ADGRL2: variants seen among roughly 807,000 people sequenced by gnomAD.
ADGRL2 encodes the protein calcium-independent alpha-latrotoxin receptor 2.
Under a neutral mutation model 157.4 loss-of-function variants are expected in ADGRL2, and 44 were observed. The observed-to-expected ratio is 0.28, with a 90% CI of 0.22 to 0.36. The LOEUF is 0.36. Among genes scored for constraint, ADGRL2 ranks in the 10% least tolerant of loss-of-function variants. ADGRL2 has a pLI of 1.00. For missense variants in ADGRL2, 1,510 were observed against 1,768.9 expected, an observed-to-expected ratio of 0.85 and a Z score of 2.63; for synonymous variants, 585 against 624.7, an observed-to-expected ratio of 0.94 and a Z score of 0.95.
chr1:81,766,847 G>GAAAAAAAAAAAAAAAGAA (rs2086147737), intron 2 of ADGRL2, among the ~76,000 whole-genome samples: 1 of 117,820 alleles, frequency 8.5e-6, no homozygotes, highest in Non-Finnish European at 1.8e-5. Flanking sequence ...AAAAAAAAAG[G>GAAAAAAAAAAAAAAAGAA]AAAAAAAAAA....
rs1661712790 is a variant in ADGRL2 at position 81,981,688 on chromosome 1, G to C, written c.3114-120G>C. On this transcript the variant is annotated intron_variant, in intron 18 of 23. Transcript: ENST00000686636. ...AGAGAAAGGTTAAAACCAAAATGCT[G>C]TTGAATATGAATGTGAACATAGAGA... 3 of 801,948 alleles carry C rather than the reference G, an allele frequency of 3.7e-6. No homozygotes were observed. In the Admixed American group the frequency reaches 7.1e-5, roughly 19 times the overall value. The allele number at this position is 801,948 out of a possible 1,614,324, so 49.7% of individuals were successfully genotyped here. A position where few individuals can be genotyped will look rare whatever the true frequency, so the allele number is the denominator to read the frequency against.
chr1:81,670,746 C>T (rs905193079), intron 3 of ADGRL2, among the ~76,000 whole-genome samples: 2 of 152,226 alleles, frequency 1.3e-5, no homozygotes, highest in Non-Finnish European at 2.9e-5. Flanking sequence ...GACAGGGTCT[C>T]GCTCTGTTGC....
At chr1:81,609,658 T>A (rs1190710291) in intron 3 of ADGRL2, among the ~76,000 whole-genome samples, 3 of 152,198 alleles carry the variant, frequency 2.0e-5, no homozygotes, top group Admixed American at 1.3e-4. Flanking sequence ...CTTGCATGAA[T>A]GGTTCACTCA....
At chr1:81,752,984 T>C (rs1198778422) in intron 1 of ADGRL2, among the ~76,000 whole-genome samples, 1 of 152,198 alleles carries the variant, frequency 6.6e-6, no homozygotes, top group Non-Finnish European at 1.5e-5. Flanking sequence ...AAATAATAGA[T>C]TACATTGTTT....
chr1:81,588,952 G>T (rs984090095), intron 3 of ADGRL2, among the ~76,000 whole-genome samples: 16 of 152,114 alleles, frequency 1.1e-4, no homozygotes, highest in African/African-American at 3.6e-4. Context: ...GTGGGACTTA[G>T]GACCTCTAGA....
intron 2 of ADGRL2, among the ~76,000 whole-genome samples, chr1:81,466,094 G>A (rs1450223383): frequency 6.6e-6 from 1 of 152,198 alleles, no homozygotes; most frequent in African/African-American, 2.4e-5. Flanking sequence ...TAATCTGCAA[G>A]AAGCCAGAAG....
chr1:81,920,629 C>T (rs191809296), intron 3 of ADGRL2, among the ~76,000 whole-genome samples: 27 of 152,216 alleles, frequency 1.8e-4, no homozygotes, highest in African/African-American at 6.3e-4. Context: ...AACTCCAGAG[C>T]TCCCGCCCTG....
At chr1:81,656,027 A>T (rs1242861121) in intron 3 of ADGRL2, among the ~76,000 whole-genome samples, 2 of 152,172 alleles carry the variant, frequency 1.3e-5, no homozygotes, top group East Asian at 3.8e-4. Context: ...CTTCAAACAG[A>T]GTATACCCTT....
intron 2 of ADGRL2, among the ~76,000 whole-genome samples, chr1:81,533,251 C>T (rs536118460): frequency 7.3e-5 from 11 of 151,654 alleles, no homozygotes; most frequent in South Asian, 2.1e-4. Context: ...TGGTGATGCA[C>T]GCCTGTAATC....
chr1:81,376,969 T>A (rs765584869), intron 1 of ADGRL2, among the ~76,000 whole-genome samples: 2 of 152,152 alleles, frequency 1.3e-5, no homozygotes, highest in Non-Finnish European at 2.9e-5. Context: ...GGAGGATCAC[T>A]TGAGTCCAGG....
chr1:81,471,413 G>A (rs2078169531), intron 2 of ADGRL2, among the ~76,000 whole-genome samples: 1 of 152,080 alleles, frequency 6.6e-6, no homozygotes, highest in Admixed American at 6.6e-5. Flanking sequence ...TTTCAATATA[G>A]TATATCTGTT....
intron 2 of ADGRL2, among the ~76,000 whole-genome samples, chr1:81,507,455 A>C (rs1442483336): frequency 6.6e-6 from 1 of 152,124 alleles, no homozygotes; most frequent in Non-Finnish European, 1.5e-5. Context: ...TTATTTACAA[A>C]TTGTTTGCTC....
intron 1 of ADGRL2, among the ~76,000 whole-genome samples, chr1:81,398,710 T>A (rs561769666): frequency 1.3e-5 from 2 of 152,334 alleles, no homozygotes; most frequent in African/African-American, 4.8e-5. Flanking sequence ...CTTTCAACAC[T>A]TTGAATATAT....
chr1:81,549,377 A>C (rs754447793), intron 2 of ADGRL2, among the ~76,000 whole-genome samples: 2 of 152,262 alleles, frequency 1.3e-5, no homozygotes, highest in East Asian at 3.9e-4. Flanking sequence ...TGCAACCACA[A>C]AATAGTTTTG....
chr1:81,571,482 A>G (rs2080692014), intron 2 of ADGRL2, among the ~76,000 whole-genome samples: 1 of 149,858 alleles, frequency 6.7e-6, no homozygotes, highest in African/African-American at 2.4e-5. Context: ...CAGATTCAGT[A>G]GTTGGGTGGA....
chr1:81,615,563 A>T (rs894158896), intron 3 of ADGRL2, among the ~76,000 whole-genome samples: 1 of 152,056 alleles, frequency 6.6e-6, no homozygotes, highest in Non-Finnish European at 1.5e-5. Flanking sequence ...CTCCGGACAC[A>T]CCATCTTTAA....
chr1:81,987,064 T>C (rs776299034), intron 22 of ADGRL2, 35 bp downstream of exon 22: 2 of 1,606,338 alleles, frequency 1.2e-6, no homozygotes, highest in South Asian at 2.2e-5. Flanking sequence ...TACCTTTCTT[T>C]GCTGCTAAAC....
At chr1:81,770,243 A>T (rs9661340) in intron 2 of ADGRL2, among the ~76,000 whole-genome samples, 43,012 of 142,880 alleles carry the variant, frequency 0.3, 7,146 homozygotes, top group East Asian at 0.77. Context: ...GCTCACTGCA[A>T]CCTCTGCCTC....
intron 2 of ADGRL2, among the ~76,000 whole-genome samples, chr1:81,498,688 C>A (rs1334919773): frequency 6.6e-6 from 1 of 152,166 alleles, no homozygotes; most frequent in Non-Finnish European, 1.5e-5. Flanking sequence ...TTTAAATTAT[C>A]TGTGACTAGT....
Sources: allele counts gnomAD v4.1 joint callset (sites outside exome capture counted in the v4.1 genomes callset), GRCh38; gene constraint gnomAD v4.1.1; transcripts MANE v1.5; gene names NCBI Gene and HGNC (gene_info 2026-07-23, HGNC 2026-07-21).